The following SOX5 variants were observed in gnomAD, a reference collection of about 807,000 sequenced individuals.
SOX5 encodes the protein SRY-box transcription factor 5.
In SOX5, 9 loss-of-function variants were observed where a neutral mutation model predicts 92.0. The ratio of observed to expected loss-of-function variants is 0.10; its 90% CI spans 0.06 to 0.17. SOX5 has a LOEUF of 0.17. Ranked by LOEUF, SOX5 falls within the 10% of genes least tolerant of loss-of-function variation. The pLI is 1.00. For synonymous variants in SOX5, 344 were observed against 336.3 expected (o/e 1.02, Z -0.25); for missense variants, 642 against 944.5 (o/e 0.68, Z 4.20).
intron 3 of SOX5, among the ~76,000 whole-genome samples, chr12:23,825,167 C>T (rs1187078590): frequency 6.6e-6 from 1 of 152,186 alleles, no homozygotes; most frequent in Non-Finnish European, 1.5e-5. Flanking sequence ...AGCTCAGTGC[C>T]TGCCCAAACG....
chr12:24,117,365 T>C (rs1384922473), intron 4 of SOX5, among the ~76,000 whole-genome samples: 1 of 152,196 alleles, frequency 6.6e-6, no homozygotes, highest in East Asian at 1.9e-4. Context: ...TTGGTGGGAA[T>C]ATAAATTAGT....
At chr12:24,385,515 T>C (rs560711403) in intron 1 of SOX5, among the ~76,000 whole-genome samples, 33 of 152,290 alleles carry the variant, frequency 2.2e-4, no homozygotes, top group African/African-American at 7.9e-4. Context: ...AGAGTTAAGA[T>C]AATCCAGAGA....
intron 4 of SOX5, among the ~76,000 whole-genome samples, chr12:24,012,789 C>G (rs1361987450): frequency 2.0e-5 from 3 of 152,062 alleles, no homozygotes; most frequent in Non-Finnish European, 4.4e-5. Context: ...AGGTTGATAC[C>G]TAAGGTCTTG....
intron 1 of SOX5, among the ~76,000 whole-genome samples, chr12:24,404,391 T>A (rs1270690677): frequency 6.6e-6 from 1 of 152,184 alleles, no homozygotes; most frequent in Non-Finnish European, 1.5e-5. Context: ...CCTGGCATAA[T>A]TTATACCTTG....
At chr12:23,873,402 G>C (rs1450868700) in intron 2 of SOX5, among the ~76,000 whole-genome samples, 25 of 152,148 alleles carry the variant, frequency 1.6e-4, no homozygotes, top group Admixed American at 1.6e-3. Context: ...GATCCCAGGA[G>C]GTCAAGGCTG....
At chr12:24,221,962 G>T (rs2139806905) in intron 3 of SOX5, among the ~76,000 whole-genome samples, 1 of 152,354 alleles carries the variant, frequency 6.6e-6, no homozygotes, top group South Asian at 2.1e-4. Flanking sequence ...AGTGAGGTCA[G>T]ATAAGCCAGG....
At chr12:23,789,922 C>T (rs1447003513) in intron 3 of SOX5, among the ~76,000 whole-genome samples, 1 of 152,196 alleles carries the variant, frequency 6.6e-6, no homozygotes, top group Non-Finnish European at 1.5e-5. Context: ...ATGTAACACT[C>T]CAGCTTTTTC....
At chr12:23,635,521 C>T (rs962344485) in intron 8 of SOX5, among the ~76,000 whole-genome samples, 4 of 151,248 alleles carry the variant, frequency 2.6e-5, no homozygotes, top group East Asian at 2.0e-4. Context: ...CGGGGCCTGT[C>T]GTGGGGTGGG....
intron 4 of SOX5, among the ~76,000 whole-genome samples, chr12:24,105,251 C>T (rs910110877): frequency 2.0e-5 from 3 of 152,044 alleles, no homozygotes; most frequent in Non-Finnish European, 4.4e-5. Context: ...GATTTAAAAC[C>T]ATTTTTTGGC....
At chr12:24,184,285 T>C (rs1955807268) in intron 4 of SOX5, among the ~76,000 whole-genome samples, 1 of 152,092 alleles carries the variant, frequency 6.6e-6, no homozygotes, top group South Asian at 2.1e-4. Flanking sequence ...TGTAAAAAGA[T>C]TTTCCCAAGT....
In SOX5 at chr12:24,315,868, G is replaced by A. The variant is rs373905119; in HGVS notation, c.-173-38556C>T. On this transcript the variant is annotated intron_variant, in intron 2 of 4. Transcript: ENST00000446891. ...AAGTTACAACTTTAAGTCCCACACAGAAATCTTGAAAGTGCCAAATATCTG... is the reference window on the plus strand; with the variant it reads ...AAGTTACAACTTTAAGTCCCACACAAAAATCTTGAAAGTGCCAAATATCTG... Among the ~76,000 whole-genome samples, 110 of 152,342 alleles carry A rather than the reference G, an allele frequency of 7.2e-4. No individual in the cohort carries two copies. In the Middle Eastern group the frequency reaches 0.024, roughly 33 times the overall value.
chr12:24,544,817 T>C (rs1462083813), intron 1 of SOX5, among the ~76,000 whole-genome samples: 1 of 152,224 alleles, frequency 6.6e-6, no homozygotes, highest in Non-Finnish European at 1.5e-5. Flanking sequence ...CCCCATTTGG[T>C]ACATAACTTA....
chr12:24,200,240 A>G (rs1375050030), intron 4 of SOX5, among the ~76,000 whole-genome samples: 1 of 152,188 alleles, frequency 6.6e-6, no homozygotes, highest in African/African-American at 2.4e-5. Flanking sequence ...AAATGATGCA[A>G]AATTTAACCT....
At chr12:24,300,833 T>G (rs1947864042) in intron 2 of SOX5, among the ~76,000 whole-genome samples, 1 of 152,232 alleles carries the variant, frequency 6.6e-6, no homozygotes, top group African/African-American at 2.4e-5. Context: ...ATTTTAAAAC[T>G]GCTTTCTGCT....
At chr12:23,680,905 T>C (rs2086518975) in intron 6 of SOX5, among the ~76,000 whole-genome samples, 1 of 47,592 alleles carries the variant, frequency 2.1e-5, no homozygotes, top group Admixed American at 2.6e-4. Context: ...AGGCCAGTGA[T>C]TTTCCATAAA....
chr12:24,082,741 C>CT (rs938741308), intron 4 of SOX5, among the ~76,000 whole-genome samples: 7 of 151,056 alleles, frequency 4.6e-5, no homozygotes, highest in South Asian at 4.2e-4. Context: ...ACTGTTTGAT[C>CT]TTTTTTTTTC....
intron 6 of SOX5, among the ~76,000 whole-genome samples, chr12:23,707,486 A>G (rs2091535694): frequency 6.6e-6 from 1 of 152,178 alleles, no homozygotes; most frequent in Non-Finnish European, 1.5e-5. Flanking sequence ...ATACAGTCCC[A>G]GGAAACTCTG....
intron 8 of SOX5, chr12:23,638,330 G>A (rs925252028): frequency 2.6e-5 from 4 of 152,226 alleles, no homozygotes; most frequent in Non-Finnish European, 4.4e-5. Context: ...AGGGGAAGCA[G>A]TGAGATATGA....
chr12:24,372,395 G>C (rs1283470053), intron 1 of SOX5, among the ~76,000 whole-genome samples: 1 of 152,126 alleles, frequency 6.6e-6, no homozygotes, highest in Non-Finnish European at 1.5e-5. Flanking sequence ...TTGGCTTTCT[G>C]TTCCTGTGTT....
Sources: allele counts gnomAD v4.1 joint callset (sites outside exome capture counted in the v4.1 genomes callset), GRCh38; gene constraint gnomAD v4.1.1; transcripts MANE v1.5; gene names NCBI Gene and HGNC (gene_info 2026-07-23, HGNC 2026-07-21).